ENG: variants seen among roughly 807,000 people sequenced by gnomAD.
ENG encodes the protein CD105 antigen.
ENG carries 17 observed loss-of-function variants against 71.0 expected under a neutral mutation model. The observed-to-expected ratio is 0.24, with a 90% CI of 0.16 to 0.36. The LOEUF (loss-of-function observed/expected upper bound fraction) is 0.36, where lower values mean the gene tolerates loss of function less well. Among genes scored for constraint, ENG ranks in the 10% least tolerant of loss-of-function variants. The pLI, the probability that ENG is intolerant of heterozygous loss-of-function variation, is 1.00. For missense variants in ENG, 749 were observed against 868.3 expected (o/e 0.86, Z 1.73); for synonymous variants, 360 against 366.9 (o/e 0.98, Z 0.21).
At chr9:127,843,492 C>A (rs1252188796) in intron 1 of ENG, among the ~76,000 whole-genome samples, 1 of 151,496 alleles carries the variant, frequency 6.6e-6, no homozygotes, top group Non-Finnish European at 1.5e-5. Context: ...AGAAGGACAC[C>A]CAGCTAAATT....
intron 1 of ENG, among the ~76,000 whole-genome samples, chr9:127,849,745 T>A (rs1368141064): frequency 6.6e-6 from 1 of 152,154 alleles, no homozygotes; most frequent in Non-Finnish European, 1.5e-5. Context: ...AAGATCCCCA[T>A]CCTCTCCACT....
chr9:127,850,981 G>A (rs1831269082), intron 1 of ENG, among the ~76,000 whole-genome samples: 1 of 152,142 alleles, frequency 6.6e-6, no homozygotes, highest in South Asian at 2.1e-4. Context: ...ACAACATGGA[G>A]ACCTGGTTCG....
chr9:127,851,884 T>C (rs1831294376), intron 1 of ENG, among the ~76,000 whole-genome samples: 1 of 151,900 alleles, frequency 6.6e-6, no homozygotes, highest in South Asian at 2.1e-4. Context: ...CTCAAAAAAA[T>C]TTAAAAAAGA....
intron 1 of ENG, among the ~76,000 whole-genome samples, chr9:127,847,461 C>G (rs1396053969): frequency 6.6e-6 from 1 of 151,928 alleles, no homozygotes; most frequent in South Asian, 2.1e-4. Flanking sequence ...GCTGCCACCC[C>G]CCCTTTTCTT....
At chr9:127,826,967 T>C in intron 3 of ENG, 1 of 427,754 alleles carries the variant, frequency 2.3e-6, no homozygotes. Flanking sequence ...ATCTACGCCA[T>C]CCTGCGGCTG....
intron 1 of ENG, among the ~76,000 whole-genome samples, chr9:127,851,942 T>G (rs931067084): frequency 6.6e-5 from 10 of 151,850 alleles, no homozygotes; most frequent in Non-Finnish European, 1.3e-4. Context: ...ACAGTAATAG[T>G]GGGTTAAATA....
chr9:127,841,133 C>T (rs1831020521), intron 2 of ENG: 3 of 152,494 alleles, frequency 2.0e-5, no homozygotes. Flanking sequence ...TCCTGGACAT[C>T]CATGATGTTT....
chr9:127,826,860 C>T (rs1217660054), intron 3 of ENG, among the ~76,000 whole-genome samples, 188 bp from the exon 4 acceptor site: 2 of 152,106 alleles, frequency 1.3e-5, no homozygotes, highest in African/African-American at 4.8e-5. Flanking sequence ...AGCCCCTTCT[C>T]CCTTGCATAC....
chr9:127,852,768 C>T (rs1196691705), intron 1 of ENG, among the ~76,000 whole-genome samples: 1 of 151,980 alleles, frequency 6.6e-6, no homozygotes, highest in Non-Finnish European at 1.5e-5. Context: ...TGAAGTCAGC[C>T]GGGTGGGAGT....
intron 2 of ENG, among the ~76,000 whole-genome samples, chr9:127,834,780 C>T (rs763815079): frequency 6.6e-6 from 1 of 150,772 alleles, no homozygotes; most frequent in Non-Finnish European, 1.5e-5. Flanking sequence ...CTGTGATCTG[C>T]CTGCCTCAGC....
At chr9:127,854,015 G>A (rs1049221673) in intron 1 of ENG, among the ~76,000 whole-genome samples, 1 of 152,216 alleles carries the variant, frequency 6.6e-6, no homozygotes, top group Non-Finnish European at 1.5e-5. Context: ...TAGGCTTCCC[G>A]GGGAGTAATG....
At chr9:127,844,342 G>A (rs1831120327) in intron 1 of ENG, among the ~76,000 whole-genome samples, 1 of 151,702 alleles carries the variant, frequency 6.6e-6, no homozygotes, top group Non-Finnish European at 1.5e-5. Context: ...GGTCAGGCTC[G>A]TCTTGAACTC....
intron 3 of ENG, 111 bp downstream of exon 3, chr9:127,829,576 G>C (rs1830708720): frequency 7.1e-7 from 1 of 1,411,876 alleles, no homozygotes; most frequent in African/African-American, 1.4e-5. Context: ...CAAGATGAAA[G>C]GGAGAAGCAG....
intron 2 of ENG, among the ~76,000 whole-genome samples, chr9:127,837,079 C>G (rs975425265): frequency 6.6e-6 from 1 of 152,180 alleles, no homozygotes; most frequent in Non-Finnish European, 1.5e-5. Flanking sequence ...TGAGACACCA[C>G]GCCTGGCCTG....
chr9:127,847,674 T>A (rs953647849), intron 1 of ENG, among the ~76,000 whole-genome samples: 2 of 152,092 alleles, frequency 1.3e-5, no homozygotes, highest in African/African-American at 4.8e-5. Flanking sequence ...GGTCTCAAAC[T>A]CCTGGGCTCA....
chr9:127,840,612 C>T (rs1429492749), intron 2 of ENG, among the ~76,000 whole-genome samples: 5 of 152,158 alleles, frequency 3.3e-5, no homozygotes, highest in Non-Finnish European at 5.9e-5. Flanking sequence ...CTCCTGAGTC[C>T]GAGAAAGGTG....
chr9:127,822,335 T>TTTTTTTTTTTTTTTTTTTTTG (rs1830487367), intron 8 of ENG: 1 of 152,232 alleles, frequency 6.6e-6, no homozygotes, highest in Non-Finnish European at 1.5e-5. Flanking sequence ...TTTTGAATTA[T>TTTTTTTTTTTTTTTTTTTTTG]AGTCTGGAGA....
At position 127,819,884 on chromosome 9, in the gene ENG, T is replaced by G. The variant is rs1271187725; in HGVS notation, c.1272+16A>C. On this transcript the variant is annotated intron_variant, in intron 9 of 14. Coordinates refer to ENST00000373203, the MANE Select transcript of ENG (RefSeq NM_001114753.3). ...AACCAGGCTGGTCCTGATACCTTTT[T>G]GGCCCCAGCTCTTACCTCATTGCTG... 4 of 1,614,234 alleles carry G rather than the reference T, an allele frequency of 2.5e-6. No individual in the cohort carries two copies. Among genetic ancestry groups the G allele is most frequent in the Non-Finnish European group, 1.7e-6 (2 of 1,180,046 alleles).
At chr9:127,818,095 T>C in intron 12 of ENG, 25 bp downstream of exon 12, 1 of 1,613,856 alleles carries the variant, frequency 6.2e-7, no homozygotes, top group South Asian at 1.1e-5. Flanking sequence ...CACTTGAAGC[T>C]GGGGCCGGCC....
Sources: allele counts gnomAD v4.1 joint callset (sites outside exome capture counted in the v4.1 genomes callset), GRCh38; gene constraint gnomAD v4.1.1; transcripts MANE v1.5; gene names NCBI Gene and HGNC (gene_info 2026-07-23, HGNC 2026-07-21).